CRYBA4: variants seen among roughly 807,000 people sequenced by gnomAD.
The protein encoded by CRYBA4 is beta-crystallin A4.
CRYBA4 carries 30 observed loss-of-function variants against 31.7 expected under a neutral mutation model. That is an observed-to-expected ratio of 0.95 (90% CI 0.71 to 1.28). The LOEUF (loss-of-function observed/expected upper bound fraction) is 1.28. CRYBA4 is among the 50% of genes most tolerant of loss of function. CRYBA4 has a pLI of 0.00. For missense variants in CRYBA4, 225 were observed against 260.7 expected (o/e 0.86, Z 0.94); for synonymous variants, 102 against 102.3 (o/e 1.00, Z 0.02).
At chr22:26,598,089 G>A in the CRYBA4 span, among the ~76,000 whole-genome samples, 3 of 152,110 alleles carry the variant, frequency 2.0e-5, no homozygotes, top group Non-Finnish European at 4.4e-5. Context: ...CACCATGTTG[G>A]CCAGGCTGGT....
intron 3 of CRYBA4, 46 bp downstream of exon 3, chr22:26,623,398 G>C: frequency 6.8e-7 from 1 of 1,466,780 alleles, no homozygotes; most frequent in Non-Finnish European, 9.6e-7. Flanking sequence ...TGGACAGGAA[G>C]GGACCTAGAG....
chr22:26,604,914 G>A, the CRYBA4 span, among the ~76,000 whole-genome samples: 1 of 152,106 alleles, frequency 6.6e-6, no homozygotes, highest in Non-Finnish European at 1.5e-5. Context: ...CACCACCTAT[G>A]AGACCCTACA....
the CRYBA4 span, among the ~76,000 whole-genome samples, chr22:26,607,484 G>T: frequency 2.0e-5 from 3 of 150,530 alleles, no homozygotes; most frequent in Non-Finnish European, 4.4e-5. Flanking sequence ...TTGAGGCCAG[G>T]AGTTCAAGGC....
intron 3 of CRYBA4, among the ~76,000 whole-genome samples, chr22:26,623,636 C>T (rs1929612727): frequency 6.6e-6 from 1 of 152,040 alleles, no homozygotes; most frequent in African/African-American, 2.4e-5. Flanking sequence ...TCCCTCCCAG[C>T]CGTAAATTGA....
the CRYBA4 span, among the ~76,000 whole-genome samples, chr22:26,608,546 C>A: frequency 6.6e-6 from 1 of 152,152 alleles, no homozygotes; most frequent in African/African-American, 2.4e-5. Context: ...CATAATAATA[C>A]CACTTTTGTG....
the CRYBA4 span, among the ~76,000 whole-genome samples, chr22:26,611,503 T>C: frequency 1.3e-5 from 2 of 150,108 alleles, no homozygotes; most frequent in Admixed American, 6.6e-5. Context: ...AGTCTCGCTC[T>C]GTCGCCCAGG....
the CRYBA4 span, chr22:26,601,898 C>T: frequency 1.7e-5 from 28 of 1,612,082 alleles, 1 homozygote; most frequent in South Asian, 7.7e-5. Flanking sequence ...GAGACCTTCA[C>T]GCTGCCCACG....
chr22:26,604,812 A>G, the CRYBA4 span, among the ~76,000 whole-genome samples: 15 of 152,284 alleles, frequency 9.9e-5, 1 homozygote, highest in East Asian at 2.7e-3. Context: ...AAGTACAACA[A>G]TGATTACTTA....
At chr22:26,616,062 G>A in the CRYBA4 span, 6 of 1,113,992 alleles carry the variant, frequency 5.4e-6, no homozygotes, top group Non-Finnish European at 8.3e-6. Context: ...AAGAGGAAGA[G>A]GAGGAGGAGA....
chr22:26,607,560 GAA>G, the CRYBA4 span, among the ~76,000 whole-genome samples: 775 of 116,274 alleles, frequency 6.7e-3, 1 homozygote, highest in Admixed American at 8.7e-3. Context: ...CCATCTTTGG[GAA>G]AAAAAAAAAA....
chr22:26,592,728 G>A, the CRYBA4 span, among the ~76,000 whole-genome samples: 1 of 152,202 alleles, frequency 6.6e-6, no homozygotes, highest in Non-Finnish European at 1.5e-5. Context: ...GAAGGGCATG[G>A]GGAGCCTGAC....
rs373020316 is a variant in CRYBA4 at position 26,630,005 on chromosome 22, T to C, written c.444-335T>C. Among the ~76,000 whole-genome samples the C allele has an allele frequency of 7.2e-5, 11 of 152,350 alleles. 1 individual carries two copies. Among genetic ancestry groups the C allele is most frequent in the Admixed American group, 5.2e-4 (8 of 15,302 alleles). On this transcript the variant is annotated intron_variant, in intron 5 of 5. Coordinates refer to ENST00000354760, the MANE Select transcript of CRYBA4 (RefSeq NM_001886.3). ...GGGGAGGCTGATATTTTACAAATAA[T>C]TTGAAAACTATCGAATTACATGAGT...
At chr22:26,629,660 A>G (rs891301225) in intron 5 of CRYBA4, among the ~76,000 whole-genome samples, 2 of 143,024 alleles carry the variant, frequency 1.4e-5, no homozygotes, top group Non-Finnish European at 3.0e-5. Context: ...ACTTGAACCC[A>G]GGAGGCAGAG....
chr22:26,611,871 C>A, the CRYBA4 span, among the ~76,000 whole-genome samples: 62 of 152,098 alleles, frequency 4.1e-4, no homozygotes, highest in African/African-American at 1.4e-3. Context: ...ATCACCTCTC[C>A]GAGCCTCAGT....
the CRYBA4 span, among the ~76,000 whole-genome samples, chr22:26,593,853 C>A: frequency 2.0e-5 from 3 of 152,150 alleles, no homozygotes; most frequent in African/African-American, 7.2e-5. Flanking sequence ...CAGGTGCTTG[C>A]TATGTGCTAA....
chr22:26,627,456 T>G (rs868577614), intron 4 of CRYBA4, among the ~76,000 whole-genome samples: 1 of 106,882 alleles, frequency 9.4e-6, no homozygotes, highest in Non-Finnish European at 1.8e-5. Context: ...CCTTCTTTCT[T>G]TTTCTTTCTT....
intron 4 of CRYBA4, among the ~76,000 whole-genome samples, chr22:26,626,217 C>T (rs1929700745): frequency 6.6e-6 from 1 of 152,164 alleles, no homozygotes; most frequent in Non-Finnish European, 1.5e-5. Flanking sequence ...GCTTGGCCAA[C>T]ATGGTGAAAC....
intron 2 of CRYBA4, 29 bp downstream of exon 2, chr22:26,622,664 C>A: frequency 6.6e-7 from 1 of 1,517,486 alleles, no homozygotes; most frequent in Non-Finnish European, 9.1e-7. Context: ...AGGGGGTGTT[C>A]AGGGGGTATG....
the CRYBA4 span, among the ~76,000 whole-genome samples, chr22:26,613,014 C>G: frequency 6.6e-6 from 1 of 152,144 alleles, no homozygotes; most frequent in Non-Finnish European, 1.5e-5. Context: ...CTCCCATTAC[C>G]CAGCCCCTCC....
Sources: allele counts gnomAD v4.1 joint callset (sites outside exome capture counted in the v4.1 genomes callset), GRCh38; gene constraint gnomAD v4.1.1; transcripts MANE v1.5; gene names NCBI Gene and HGNC (gene_info 2026-07-23, HGNC 2026-07-21).